The following SMIM13 variants were observed in gnomAD, a reference collection of about 807,000 sequenced individuals.
SMIM13 encodes UPF0766 protein C6orf228.
A neutral mutation model predicts 5.9 loss-of-function variants in SMIM13; 3 were observed. That is an observed-to-expected ratio of 0.51 (90% confidence interval 0.23 to 1.31). The LOEUF (loss-of-function observed/expected upper bound fraction) is 1.31, where lower values mean the gene tolerates loss of function less well. SMIM13 is among the 40% of genes most tolerant of loss of function. The pLI, the probability that SMIM13 is intolerant of heterozygous loss-of-function variation, is 0.18. For synonymous variants in SMIM13, 55 were observed against 46.0 expected (o/e 1.19, Z -0.79); for missense variants, 85 against 109.9 (o/e 0.77, Z 1.01).
chr6:11,135,898 GTTAAA>G lies in SMIM13; in HGVS notation c.*1302_*1306del, dbSNP rs757783413. ...ATCTTAACAATTGGTAGTGTCTTAGGTTAAATTAAAAATGGTAGCTTGTAAATTTA... is the reference window on the plus strand; with the variant it reads ...ATCTTAACAATTGGTAGTGTCTTAGGTTAAAAATGGTAGCTTGTAAATTTA... On this transcript the variant is annotated 3_prime_UTR_variant, in exon 2 of 2. Transcript: ENST00000416247. 1 of 152,140 alleles carries G rather than the reference GTTAAA, an allele frequency of 6.6e-6. No individual in the cohort carries two copies. Among genetic ancestry groups the G allele is most frequent in the Non-Finnish European group, 1.5e-5 (1 of 68,026 alleles). 9.4% of individuals were successfully genotyped at this position (152,140 alleles called of 1,614,324 possible).
intron 1 of SMIM13, among the ~76,000 whole-genome samples, chr6:11,132,303 C>T (rs1758459893): frequency 6.6e-6 from 1 of 152,020 alleles, no homozygotes; most frequent in African/African-American, 2.4e-5. Context: ...AAATTGGAAC[C>T]TCATACATTG....
At chr6:11,119,748 C>A (rs990205587) in intron 1 of SMIM13, among the ~76,000 whole-genome samples, 1 of 151,908 alleles carries the variant, frequency 6.6e-6, no homozygotes, top group Non-Finnish European at 1.5e-5. Flanking sequence ...AAGAAGAGAA[C>A]AGAAAGAGGA....
chr6:11,125,025 C>A (rs959835122), intron 1 of SMIM13, among the ~76,000 whole-genome samples: 3 of 150,942 alleles, frequency 2.0e-5, no homozygotes, highest in African/African-American at 7.3e-5. Flanking sequence ...CGCCTGTAAT[C>A]CCAGCATTTT....
rs146367155 is a variant in SMIM13, at chr6:11,124,931, T to C, written c.77-9472T>C. ...TTTCTCCTTCATGTTTGAAGGATAT[T>C]TTTGCTCGATAAACTGTTCTAGGGT... On this transcript the variant is annotated intron_variant, in intron 1 of 1. Transcript: ENST00000416247. Among the ~76,000 whole-genome samples the C allele has an allele frequency of 1.8e-3, 275 of 152,268 alleles. 2 individuals carry two copies. The highest frequency in any genetic ancestry group is 6.2e-3 in the African/African-American group (256 of 41,550).
chr6:11,115,209 A>G (rs572044222), intron 1 of SMIM13, among the ~76,000 whole-genome samples: 20 of 152,302 alleles, frequency 1.3e-4, no homozygotes, highest in African/African-American at 4.6e-4. Flanking sequence ...TTGGTTTTCT[A>G]TTGCTGCATA....
chr6:11,134,403 G>T lies in SMIM13; in HGVS notation c.77G>T (p.Gly26Val), dbSNP rs1561761852. ...TTAATGTTTTTGTCTTTCTCTGTAG[G>T]TTGGTATTTTGTATGGCATCTTTTT... ...LLIVLLLMVC[G>V]WYFVWHLFLS... The change falls in exon 2 of 2, where the codon GGT becomes GTT. Residue 26 changes from glycine (G) to valine (V), a missense_variant and splice_region_variant. Transcript: ENST00000416247. 6.5e-7 allele frequency: 1 copy of T among 1,549,922 alleles called. No individual in the cohort carries two copies. The highest frequency in any genetic ancestry group is 8.7e-7 in the Non-Finnish European group (1 of 1,146,050).
At chr6:11,108,956 C>T (rs1189605743) in intron 1 of SMIM13, among the ~76,000 whole-genome samples, 1 of 152,168 alleles carries the variant, frequency 6.6e-6, no homozygotes, top group Admixed American at 6.5e-5. Flanking sequence ...TATTACAGTT[C>T]ACAGGCTTTG....
intron 1 of SMIM13, among the ~76,000 whole-genome samples, chr6:11,125,294 T>TAAA (rs34260357): frequency 7.6e-5 from 8 of 105,178 alleles, no homozygotes; most frequent in South Asian, 3.6e-4. Context: ...GACTCCATCT[T>TAAA]AAAAAAAAAA....
intron 1 of SMIM13, among the ~76,000 whole-genome samples, chr6:11,097,702 G>A (rs1040525311): frequency 5.3e-5 from 8 of 151,218 alleles, no homozygotes; most frequent in African/African-American, 1.9e-4. Flanking sequence ...TCCAAATACC[G>A]TACAGTCACA....
At chr6:11,114,371 C>T (rs1033926345) in intron 1 of SMIM13, among the ~76,000 whole-genome samples, 4 of 152,138 alleles carry the variant, frequency 2.6e-5, no homozygotes, top group Non-Finnish European at 4.4e-5. Context: ...TGAGAGCAGA[C>T]CTTCCTCCCT....
intron 1 of SMIM13, among the ~76,000 whole-genome samples, chr6:11,106,329 C>A (rs964446637): frequency 2.0e-5 from 3 of 152,200 alleles, no homozygotes; most frequent in African/African-American, 7.2e-5. Context: ...GCCAGTCCTC[C>A]GCAGGGTATG....
chr6:11,095,049 A>G (rs1757905192), intron 1 of SMIM13, among the ~76,000 whole-genome samples: 2 of 152,196 alleles, frequency 1.3e-5, no homozygotes, highest in Admixed American at 6.5e-5. Flanking sequence ...CCAATTTTAG[A>G]TCTTTTTGAT....
intron 1 of SMIM13, chr6:11,104,667 C>T (rs2113643699): frequency 6.2e-7 from 1 of 1,614,188 alleles, no homozygotes; most frequent in East Asian, 2.2e-5. Context: ...AATTTGCAGA[C>T]ATTGGTTATA....
intron 1 of SMIM13, among the ~76,000 whole-genome samples, chr6:11,100,605 T>G (rs1757977649): frequency 6.6e-6 from 1 of 152,218 alleles, no homozygotes; most frequent in Non-Finnish European, 1.5e-5. Context: ...CTTTTTTTGT[T>G]GGAGCACATT....
intron 1 of SMIM13, among the ~76,000 whole-genome samples, chr6:11,095,612 A>G (rs936482871): frequency 2.6e-5 from 4 of 152,210 alleles, no homozygotes; most frequent in African/African-American, 7.2e-5. Context: ...TTGGCCTCCC[A>G]AAGTGCTGGG....
At chr6:11,106,917 A>G (rs541664453) in intron 1 of SMIM13, among the ~76,000 whole-genome samples, 3 of 152,350 alleles carry the variant, frequency 2.0e-5, no homozygotes, top group Admixed American at 6.5e-5. Context: ...TGTGAGTGTG[A>G]AGAACCAGAA....
At position 11,128,750 on chromosome 6, in the gene SMIM13, C is replaced by T. The variant is rs1053175911; in HGVS notation, c.77-5653C>T. ...CCTATGGTTAGGACTGGTCTAGCTG[C>T]TCCCTCTGTGGGTACAGACTGAGTT... On this transcript the variant is annotated intron_variant, in intron 1 of 1. Coordinates refer to ENST00000416247, the MANE Select transcript of SMIM13 (RefSeq NM_001135575.2). 2.0e-5 allele frequency among the ~76,000 whole-genome samples: 3 copies of T among 152,112 alleles called. No individual in the cohort carries two copies. In the South Asian group the frequency reaches 6.2e-4, roughly 32 times the overall value.
chr6:11,099,031 T>C (rs2113637448), intron 1 of SMIM13, among the ~76,000 whole-genome samples: 2 of 152,344 alleles, frequency 1.3e-5, no homozygotes, highest in East Asian at 3.9e-4. Flanking sequence ...TATGTTTCTA[T>C]AATATACTGC....
At position 11,129,115 on chromosome 6, in the gene SMIM13, A is replaced by G. The variant is rs1407665975; in HGVS notation, c.77-5288A>G. ...GATCACTGGAGGCTTCTGTTTGGCC[A>G]TCTTCCTCTGCCTCCCTCCTCTCTA... On this transcript the variant is annotated intron_variant, in intron 1 of 1. Transcript: ENST00000416247. 2.6e-5 allele frequency among the ~76,000 whole-genome samples: 4 copies of G among 151,434 alleles called. No individual in the cohort carries two copies. The South Asian group carries it at 8.4e-4, about 32-fold the overall frequency.
Sources: gnomAD v4.1 joint callset for allele counts (sites outside exome capture counted in the v4.1 genomes callset) on GRCh38, gnomAD v4.1.1 for gene constraint, MANE v1.5 for transcripts, NCBI Gene and HGNC (gene_info 2026-07-23, HGNC 2026-07-21) for gene names.